CHRNA5: variants seen among roughly 807,000 people sequenced by gnomAD.
CHRNA5 encodes the protein neuronal acetylcholine receptor subunit alpha-5.
Under a neutral mutation model 41.2 loss-of-function variants are expected in CHRNA5, and 28 were observed. That is an observed-to-expected ratio of 0.68 (90% CI 0.50 to 0.93). The LOEUF (loss-of-function observed/expected upper bound fraction) is 0.93. Among genes scored for constraint, CHRNA5 ranks in the 40% least tolerant of loss-of-function variants. CHRNA5 has a pLI of 0.00. For missense variants in CHRNA5, 481 were observed against 581.9 expected (o/e 0.83, Z 1.78); for synonymous variants, 188 against 205.8 (o/e 0.91, Z 0.74).
At chr15:78,592,242 A>AACTT (rs1430924008) in intron 5 of CHRNA5, among the ~76,000 whole-genome samples, 3 of 152,316 alleles carry the variant, frequency 2.0e-5, no homozygotes, top group East Asian at 3.9e-4. Context: ...GAATCACTTA[A>AACTT]ACTTGGGAGG....
chr15:78,583,200 A>C (rs1442622166), intron 2 of CHRNA5, among the ~76,000 whole-genome samples: 1 of 152,220 alleles, frequency 6.6e-6, no homozygotes, highest in East Asian at 1.9e-4. Flanking sequence ...CTGATAGGCA[A>C]CAGACACGAT....
chr15:78,593,094 T>G (rs913460296), exon 6 of CHRNA5: 1 of 1,604,198 alleles, frequency 6.2e-7, no homozygotes, highest in African/African-American at 1.3e-5. Context: ...CCTAACAGGT[T>G]GTTGAAGATT....
At chr15:78,570,404 A>G (rs937349951) in intron 1 of CHRNA5, among the ~76,000 whole-genome samples, 5 of 136,816 alleles carry the variant, frequency 3.7e-5, no homozygotes, top group Non-Finnish European at 6.1e-5. Flanking sequence ...AATTACAGGC[A>G]TGTGCCACCA....
chr15:78,574,380 C>CAA lies in CHRNA5; in HGVS notation c.107-6414_107-6413dup, dbSNP rs61655864. On this transcript the variant is annotated intron_variant, in intron 1 of 5. Transcript: ENST00000299565. The stretch of plus-strand genomic sequence containing the variant: ...GGCCAACAGGAGCTAAACGCTGTCT[C>CAA]AAAAAAAAAAAAAAAAAATCCTCAG... 4.1e-3 allele frequency among the ~76,000 whole-genome samples: 500 copies of CAA among 123,242 alleles called. 3 individuals are homozygous for CAA. Among genetic ancestry groups the CAA allele is most frequent in the Non-Finnish European group, 3.8e-3 (221 of 58,266 alleles). The allele number at this position is 123,242 out of a possible 152,430, so 80.9% of individuals were successfully genotyped here.
At chr15:78,584,245 C>T (rs1450225607) in intron 2 of CHRNA5, among the ~76,000 whole-genome samples, 2 of 152,172 alleles carry the variant, frequency 1.3e-5, no homozygotes, top group Admixed American at 6.5e-5. Flanking sequence ...GGATTCCTGC[C>T]TTATTTCCCA....
rs539325138 is a variant in CHRNA5 at position 78,583,163 on chromosome 15, A to G, written c.258+2201A>G. Among the ~76,000 whole-genome samples, 31 of 152,338 alleles carry G rather than the reference A, an allele frequency of 2.0e-4. No individual in the cohort carries two copies. In the South Asian group the frequency reaches 2.1e-3, roughly 10 times the overall value. On this transcript the variant is annotated intron_variant, in intron 2 of 5. Transcript: ENST00000299565. ...CAGAACCTAGCACGGTATCTGGTACATAGTAAATGCTGAATGAGTGAGAGA... is the reference window on the plus strand; with the variant it reads ...CAGAACCTAGCACGGTATCTGGTACGTAGTAAATGCTGAATGAGTGAGAGA...
chr15:78,574,340 A>G (rs2052837195), intron 1 of CHRNA5, among the ~76,000 whole-genome samples: 1 of 150,382 alleles, frequency 6.6e-6, no homozygotes, highest in African/African-American at 2.4e-5. Context: ...AGATCGCACC[A>G]ATGCACTCCA....
At chr15:78,570,065 G>A (rs1196050241) in intron 1 of CHRNA5, among the ~76,000 whole-genome samples, 4 of 151,712 alleles carry the variant, frequency 2.6e-5, no homozygotes, top group Non-Finnish European at 2.9e-5. Flanking sequence ...CAGGTGATCC[G>A]CCTGCCTCGG....
intron 5 of CHRNA5, among the ~76,000 whole-genome samples, chr15:78,591,516 T>C (rs1178154043): frequency 6.6e-6 from 1 of 152,214 alleles, no homozygotes. Flanking sequence ...TAATTGAATG[T>C]ACATTAAAAT....
At chr15:78,579,284 C>T (rs569465632) in intron 1 of CHRNA5, among the ~76,000 whole-genome samples, 23 of 152,180 alleles carry the variant, frequency 1.5e-4, no homozygotes, top group East Asian at 3.9e-4. Context: ...GACAGAGTCT[C>T]GCTCTGTTGG....
intron 1 of CHRNA5, among the ~76,000 whole-genome samples, chr15:78,570,892 C>T (rs914779836): frequency 6.6e-6 from 1 of 152,186 alleles, no homozygotes; most frequent in African/African-American, 2.4e-5. Context: ...ATACTGGTCT[C>T]TAGCCATGAG....
At chr15:78,583,029 A>T (rs565563414) in intron 2 of CHRNA5, among the ~76,000 whole-genome samples, 5 of 146,760 alleles carry the variant, frequency 3.4e-5, no homozygotes, top group African/African-American at 5.0e-5. Context: ...TGTGTTCAAA[A>T]TTTTTTTTTT....
At chr15:78,569,065 A>G (rs946770618) in intron 1 of CHRNA5, among the ~76,000 whole-genome samples, 3 of 152,242 alleles carry the variant, frequency 2.0e-5, no homozygotes, top group South Asian at 4.1e-4. Context: ...TTTATACACA[A>G]TTTAATTTGC....
At chr15:78,582,017 C>T (rs531972276) in intron 2 of CHRNA5, among the ~76,000 whole-genome samples, 1 of 152,172 alleles carries the variant, frequency 6.6e-6, no homozygotes, top group Non-Finnish European at 1.5e-5. Flanking sequence ...AATGCCTGAA[C>T]GTCTCCTTTC....
chr15:78,594,764 A>G (rs1413638420), exon 6 of CHRNA5: 1 of 152,238 alleles, frequency 6.6e-6, no homozygotes, highest in East Asian at 1.9e-4. Flanking sequence ...GCACACTGTT[A>G]TATACCTGTA....
rs894435751 is a variant in CHRNA5, at chr15:78,584,255, AC to A, written c.259-2389del. Among the ~76,000 whole-genome samples, 13 of 151,994 alleles carry A rather than the reference AC, an allele frequency of 8.6e-5. 1 individual carries two copies. The highest frequency in any genetic ancestry group is 1.5e-4 in the Non-Finnish European group (10 of 67,968). On this transcript the variant is annotated intron_variant, in intron 2 of 5. Transcript: ENST00000299565. The stretch of plus-strand genomic sequence containing the variant: ...TTGGTGGATTCCTGCCTTATTTCCC[AC>A]ATATTCTGTCTTTTTTTTGTTTTTA...
At chr15:78,583,681 C>G (rs1302628430) in intron 2 of CHRNA5, among the ~76,000 whole-genome samples, 2 of 148,028 alleles carry the variant, frequency 1.4e-5, no homozygotes, top group African/African-American at 5.0e-5. Flanking sequence ...GGCGACAGAG[C>G]GAGACTCTGT....
chr15:78,582,441 C>T lies in CHRNA5; in HGVS notation c.258+1479C>T, dbSNP rs1408819723. On this transcript the variant is annotated intron_variant, in intron 2 of 5. Transcript: ENST00000299565. ...CAGAGGTTGCAGTGAGTTGAGATTG[C>T]ACCACTGCACTCCAGCCTGGGCAAC... Among the ~76,000 whole-genome samples, 6 of 150,590 alleles carry T rather than the reference C, an allele frequency of 4.0e-5. No homozygotes were observed. The Admixed American group carries it at 4.0e-4, about 10-fold the overall frequency.
rs573345742 is a variant in CHRNA5 at position 78,585,969 on chromosome 15, T to G, written c.259-676T>G. 2.6e-5 allele frequency among the ~76,000 whole-genome samples: 4 copies of G among 151,796 alleles called. No homozygotes were observed. The South Asian group carries it at 8.4e-4, about 32-fold the overall frequency. ...CTGGCTAATTTTTTGTATTTTTTTT[T>G]TTTAAGTGGAGATGGGGTTTCACTA... On this transcript the variant is annotated intron_variant, in intron 2 of 5. Coordinates refer to ENST00000299565, the Ensembl canonical transcript of CHRNA5.
Sources: gnomAD v4.1 joint callset for allele counts (sites outside exome capture counted in the v4.1 genomes callset) on GRCh38, gnomAD v4.1.1 for gene constraint, MANE v1.5 for transcripts, NCBI Gene and HGNC (gene_info 2026-07-23, HGNC 2026-07-21) for gene names.